Variants in SMYD3 observed in about 807,000 individuals in gnomAD.
The protein encoded by SMYD3 is histone-lysine N-methyltransferase SMYD3.
In SMYD3, 36 loss-of-function variants were observed where a neutral mutation model predicts 57.7. That is an observed-to-expected ratio of 0.62 (90% confidence interval 0.48 to 0.82). The LOEUF is 0.82. SMYD3 is among the 40% of genes least tolerant of loss of function. The pLI is 0.00. For synonymous variants in SMYD3, 211 were observed against 195.0 expected, an observed-to-expected ratio of 1.08 and a Z score of -0.68; for missense variants, 515 against 538.8, an observed-to-expected ratio of 0.96 and a Z score of 0.44.
chr1:245,906,352 T>G (rs541546053), intron 8 of SMYD3, among the ~76,000 whole-genome samples: 1 of 152,284 alleles, frequency 6.6e-6, no homozygotes, highest in East Asian at 1.9e-4. Context: ...GAATAGACAT[T>G]GCTCAAAAGA....
chr1:245,798,680 C>A (rs1433087435), intron 10 of SMYD3, among the ~76,000 whole-genome samples: 2 of 152,080 alleles, frequency 1.3e-5, no homozygotes, highest in Non-Finnish European at 2.9e-5. Flanking sequence ...GGCAGCTACC[C>A]CTCCGCTACC....
At chr1:245,856,062 G>A (rs2051224617) in intron 10 of SMYD3, among the ~76,000 whole-genome samples, 1 of 152,214 alleles carries the variant, frequency 6.6e-6, no homozygotes, top group Admixed American at 6.5e-5. Flanking sequence ...ATTCCCTCAT[G>A]CACATGTGAG....
rs113954909 is a variant in SMYD3, at chr1:246,471,065, T to C, written c.164+35989A>G. Among the ~76,000 whole-genome samples, 924 of 152,220 alleles carry C rather than the reference T, an allele frequency of 6.1e-3. 7 individuals carry two copies. The highest frequency in any genetic ancestry group is 0.021 in the African/African-American group (878 of 41,524). ...AAGCCAATAGAGCAAATGTTAAAAT[T>C]TGTTTACTTAGATAAAAGGCATGTA... On this transcript the variant is annotated intron_variant, in intron 1 of 11. Coordinates refer to ENST00000490107, the MANE Select transcript of SMYD3 (RefSeq NM_001167740.2).
chr1:246,407,217 T>C (rs574978159), intron 1 of SMYD3, among the ~76,000 whole-genome samples: 2 of 152,258 alleles, frequency 1.3e-5, no homozygotes, highest in Non-Finnish European at 2.9e-5. Context: ...AGATTGTAAC[T>C]GCTGATTATG....
chr1:246,476,058 C>T (rs948716262), intron 1 of SMYD3, among the ~76,000 whole-genome samples: 2 of 152,148 alleles, frequency 1.3e-5, no homozygotes, highest in African/African-American at 4.8e-5. Flanking sequence ...GATCCTAAAG[C>T]TATTTTTCTT....
chr1:246,259,476 AAGATC>A (rs2063960063), intron 5 of SMYD3, among the ~76,000 whole-genome samples: 1 of 151,762 alleles, frequency 6.6e-6, no homozygotes, highest in African/African-American at 2.4e-5. Flanking sequence ...TATTTTGGGT[AAGATC>A]TATTTGTTTT....
At chr1:246,467,812 A>G (rs957548174) in intron 1 of SMYD3, among the ~76,000 whole-genome samples, 2 of 152,244 alleles carry the variant, frequency 1.3e-5, no homozygotes, top group Non-Finnish European at 2.9e-5. Context: ...ATAAAAGAAG[A>G]AAATTACAGA....
intron 5 of SMYD3, among the ~76,000 whole-genome samples, chr1:245,988,862 A>G (rs2058756959): frequency 6.6e-6 from 1 of 152,246 alleles, no homozygotes; most frequent in African/African-American, 2.4e-5. Flanking sequence ...CTCTTCCAGA[A>G]TGTATGACAC....
intron 5 of SMYD3, among the ~76,000 whole-genome samples, chr1:246,196,423 C>CTTA (rs1297759911): frequency 2.6e-5 from 4 of 152,170 alleles, no homozygotes; most frequent in Non-Finnish European, 5.9e-5. Flanking sequence ...GAAAAATCCA[C>CTTA]TGTAAAAGAG....
chr1:246,291,055 G>T (rs1230853751), intron 5 of SMYD3, among the ~76,000 whole-genome samples: 1 of 151,788 alleles, frequency 6.6e-6, no homozygotes, highest in African/African-American at 2.4e-5. Flanking sequence ...AAATACATAG[G>T]TTAATAAAGT....
chr1:245,915,428 T>C (rs560046841), intron 8 of SMYD3, 102 bp downstream of exon 8: 20 of 699,184 alleles, frequency 2.9e-5, no homozygotes, highest in Admixed American at 8.5e-5. Context: ...TACCATGTAC[T>C]GAGGGTCATT....
At chr1:245,860,795 G>T (rs2051502191) in intron 9 of SMYD3, among the ~76,000 whole-genome samples, 1 of 152,228 alleles carries the variant, frequency 6.6e-6, no homozygotes, top group Admixed American at 6.5e-5. Context: ...TAACCTCCGT[G>T]GCTTTTCATT....
chr1:246,506,063 C>T (rs2068531939), intron 1 of SMYD3, among the ~76,000 whole-genome samples: 1 of 152,204 alleles, frequency 6.6e-6, no homozygotes, highest in Non-Finnish European at 1.5e-5. Context: ...GAACAATGGT[C>T]AAATTACAGA....
At chr1:246,090,445 T>C (rs1447439307) in intron 5 of SMYD3, among the ~76,000 whole-genome samples, 1 of 151,554 alleles carries the variant, frequency 6.6e-6, no homozygotes, top group Non-Finnish European at 1.5e-5. Flanking sequence ...CACCAAGAAC[T>C]GAAATTGGGT....
intron 5 of SMYD3, among the ~76,000 whole-genome samples, chr1:246,138,375 G>A (rs1572092010): frequency 6.6e-6 from 1 of 151,938 alleles, no homozygotes; most frequent in East Asian, 1.9e-4. Flanking sequence ...AAACCTGACT[G>A]CATTTTGGTC....
chr1:246,055,358 C>A (rs2060134130), intron 5 of SMYD3, among the ~76,000 whole-genome samples: 1 of 151,882 alleles, frequency 6.6e-6, no homozygotes, highest in Non-Finnish European at 1.5e-5. Flanking sequence ...TCCTACTCTG[C>A]AGGCTGAGGC....
intron 5 of SMYD3, among the ~76,000 whole-genome samples, chr1:246,137,807 T>C (rs916095827): frequency 6.6e-6 from 1 of 152,228 alleles, no homozygotes; most frequent in African/African-American, 2.4e-5. Context: ...TTTTCCATTT[T>C]AAAGTCATCT....
intron 5 of SMYD3, among the ~76,000 whole-genome samples, chr1:246,309,083 GAAC>G (rs1449568718): frequency 6.6e-5 from 10 of 151,710 alleles, no homozygotes; most frequent in Admixed American, 2.6e-4. Flanking sequence ...ATAATTAGTA[GAAC>G]ATCAAAGGTG....
At chr1:246,167,932 A>G (rs1158040324) in intron 5 of SMYD3, among the ~76,000 whole-genome samples, 1 of 152,138 alleles carries the variant, frequency 6.6e-6, no homozygotes, top group African/African-American at 2.4e-5. Flanking sequence ...TTGCTCTTTT[A>G]TATTTAGGGT....
Sources: gnomAD v4.1 joint callset for allele counts (sites outside exome capture counted in the v4.1 genomes callset) on GRCh38, gnomAD v4.1.1 for gene constraint, MANE v1.5 for transcripts, NCBI Gene and HGNC (gene_info 2026-07-23, HGNC 2026-07-21) for gene names.